ASB2: variants seen among roughly 807,000 people sequenced by gnomAD.
ASB2 encodes the protein ankyrin repeat and SOCS box containing 2.
ASB2 carries 58 observed loss-of-function variants against 62.4 expected under a neutral mutation model. The ratio of observed to expected loss-of-function variants is 0.93; its 90% confidence interval spans 0.75 to 1.16. The LOEUF (loss-of-function observed/expected upper bound fraction) is 1.16, where lower values mean the gene tolerates loss of function less well. Among genes scored for constraint, ASB2 ranks in the 50% most tolerant of loss-of-function variants. The pLI, the probability that ASB2 is intolerant of heterozygous loss-of-function variation, is 0.00. For missense variants in ASB2, 928 were observed against 887.9 expected (o/e 1.05, Z -0.57); for synonymous variants, 386 against 385.3 (o/e 1.00, Z -0.02).
At chr14:93,941,830 G>A (rs1595303703) in intron 7 of ASB2, 1 of 390,042 alleles carries the variant, frequency 2.6e-6, no homozygotes, top group South Asian at 1.9e-5. Flanking sequence ...TCAGTTATGT[G>A]GTGAATCATC....
intron 2 of ASB2, among the ~76,000 whole-genome samples, chr14:93,957,897 C>T (rs1889282093): frequency 6.6e-6 from 1 of 152,166 alleles, no homozygotes; most frequent in Non-Finnish European, 1.5e-5. Flanking sequence ...CCGGGCCTTT[C>T]ACCACACTCT....
At chr14:93,936,294 T>C (rs568728500) in intron 9 of ASB2, among the ~76,000 whole-genome samples, 1 of 152,212 alleles carries the variant, frequency 6.6e-6, no homozygotes, top group South Asian at 2.1e-4. Flanking sequence ...TTAAGAACGA[T>C]TGGTTTTACT....
intron 1 of ASB2, chr14:93,968,135 C>T (rs1889648698): frequency 6.6e-6 from 1 of 152,174 alleles, no homozygotes; most frequent in South Asian, 2.1e-4. Flanking sequence ...GACCATGTGC[C>T]TTCCTGGAGG....
intron 8 of ASB2, among the ~76,000 whole-genome samples, chr14:93,938,790 T>A (rs73337607): frequency 6.6e-6 from 1 of 152,216 alleles, no homozygotes; most frequent in Non-Finnish European, 1.5e-5. Flanking sequence ...ACCGTTCCAA[T>A]GCACCACTAA....
Position 93,939,020 on chromosome 14 carries a change from A to G in ASB2, c.1617+88T>C, listed in dbSNP as rs1888387338. 7.3e-6 allele frequency: 9 copies of G among 1,227,790 alleles called. No individual in the cohort carries two copies. The South Asian group carries it at 1.2e-4, about 16-fold the overall frequency. The allele number at this position is 1,227,790 out of a possible 1,614,324, so 76.1% of individuals were successfully genotyped here. ...ACGCTGCTCCCAAGGAGCGCGAACC[A>G]CCCGGCCCCGCCCGCCTCCCATGCG... On this transcript the variant is annotated intron_variant, in intron 8 of 9. Coordinates refer to ENST00000555019, the MANE Select transcript of ASB2 (RefSeq NM_001202429.2).
chr14:93,938,060 T>C (rs940800520), intron 8 of ASB2, among the ~76,000 whole-genome samples: 5 of 152,082 alleles, frequency 3.3e-5, no homozygotes, highest in African/African-American at 1.2e-4. Flanking sequence ...AGCCTCAATT[T>C]CCCTATCTAT....
rs539374318 is a variant in ASB2 at position 93,948,829 on chromosome 14, G to T, written c.881-1309C>A. 1.4e-3 allele frequency among the ~76,000 whole-genome samples: 206 copies of T among 152,322 alleles called. 1 individual carries two copies. The highest frequency in any genetic ancestry group is 4.7e-3 in the African/African-American group (196 of 41,568). Reference sequence around the variant, plus strand: ...CACATGCCTGTAGTTCCAGCTACTTGGAAGGCTGAGGTGCAAGGATTACTT... The same window carrying T: ...CACATGCCTGTAGTTCCAGCTACTTTGAAGGCTGAGGTGCAAGGATTACTT... On this transcript the variant is annotated intron_variant, in intron 6 of 9. Coordinates refer to ENST00000555019, the MANE Select transcript of ASB2 (RefSeq NM_001202429.2).
chr14:93,964,939 C>T (rs1188842394), intron 1 of ASB2, among the ~76,000 whole-genome samples: 1 of 152,084 alleles, frequency 6.6e-6, no homozygotes, highest in Admixed American at 6.5e-5. Context: ...CCCACTCAAC[C>T]ACCCTCCATC....
chr14:93,968,063 C>T (rs1889646787), intron 1 of ASB2, among the ~76,000 whole-genome samples: 1 of 152,228 alleles, frequency 6.6e-6, no homozygotes, highest in South Asian at 2.1e-4. Context: ...CAGCTGCTGG[C>T]CCTGCAGCCT....
chr14:93,937,152 T>TC (rs1422837733), intron 9 of ASB2, among the ~76,000 whole-genome samples: 1 of 152,198 alleles, frequency 6.6e-6, no homozygotes, highest in Non-Finnish European at 1.5e-5. Context: ...GCTCCAGGGT[T>TC]CAGGGGCCTG....
At chr14:93,956,235 C>G (rs552856403) in intron 3 of ASB2, among the ~76,000 whole-genome samples, 16 of 152,286 alleles carry the variant, frequency 1.1e-4, no homozygotes, top group African/African-American at 3.6e-4. Context: ...GCCCCTGCAG[C>G]TTAGATTATT....
rs747371828 is a variant in ASB2 at position 93,951,169 on chromosome 14, C to T, written c.710G>A (p.Arg237His). 7 of 1,613,826 alleles carry T rather than the reference C, an allele frequency of 4.3e-6. No individual in the cohort carries two copies. Among genetic ancestry groups the T allele is most frequent in the Admixed American group, 3.3e-5 (2 of 60,008 alleles). The change falls in exon 6 of 10, where the codon CGC (arginine) becomes CAC (histidine). Residue 237 changes from arginine to histidine, a missense_variant. Physicochemically the swap from Arg to His is conservative, Grantham distance 29. Coordinates refer to ENST00000555019, the MANE Select transcript of ASB2 (RefSeq NM_001202429.2). ...HNADTNHRCNRGWTALHESVS... is the reference protein window; with the variant it reads ...HNADTNHRCNHGWTALHESVS... ...AGACTCGTGCAGAGCGGTCCAGCCG[C>T]GGTTGCAGCGGTGGTTGGTGTCTGC... is the stretch of plus-strand genomic sequence containing the variant.
chr14:93,952,924 T>C (rs1889024734), intron 5 of ASB2, among the ~76,000 whole-genome samples: 1 of 152,248 alleles, frequency 6.6e-6, no homozygotes. Flanking sequence ...CAGAGGTACA[T>C]GCTCTCGCAT....
intron 4 of ASB2, 98 bp from the exon 5 acceptor site, chr14:93,953,605 A>G: frequency 1.9e-6 from 2 of 1,071,218 alleles, no homozygotes; most frequent in Non-Finnish European, 1.3e-6. Flanking sequence ...AGAACAATGT[A>G]TGACATCCTC....
At chr14:93,938,233 CTTTTTTTT>C (rs35127276) in intron 8 of ASB2, among the ~76,000 whole-genome samples, 5 of 67,618 alleles carry the variant, frequency 7.4e-5, no homozygotes, top group African/African-American at 1.2e-4. Flanking sequence ...TAAGTTCTGA[CTTTTTTTT>C]TTTTTTTTTT....
rs35127276 is a variant in ASB2, at chr14:93,938,233, C to CTTTTTTTTTTTT, written c.1618-394_1618-383dup. ...TGTCTAACTTCCTTTTAAGTTCTGA[C>CTTTTTTTTTTTT]TTTTTTTTTTTTTTTTTTTTTTTTT... On this transcript the variant is annotated intron_variant, in intron 8 of 9. Coordinates refer to ENST00000555019, the MANE Select transcript of ASB2 (RefSeq NM_001202429.2). Among the ~76,000 whole-genome samples the CTTTTTTTTTTTT allele has an allele frequency of 2.4e-4, 16 of 67,618 alleles. 1 individual carries two copies. Among genetic ancestry groups the CTTTTTTTTTTTT allele is most frequent in the East Asian group, 1.7e-3 (3 of 1,736 alleles). The allele number at this position is 67,618 out of a possible 152,430, so 44.4% of individuals were successfully genotyped here.
intron 2 of ASB2, among the ~76,000 whole-genome samples, chr14:93,958,715 G>A (rs985287645): frequency 3.9e-5 from 6 of 152,296 alleles, no homozygotes; most frequent in East Asian, 1.9e-4. Context: ...AGAGACAGCC[G>A]GCAGGTGGAG....
rs1280669853 is a variant in ASB2, at chr14:93,951,252, CAG to C, written c.635-10_635-9del. On this transcript the variant is annotated splice_polypyrimidine_tract_variant and intron_variant, in intron 5 of 9. Transcript: ENST00000555019. ...CGTTCTTGCGCTCGCAGGCTGTGCTCAGGGGGAAGCAGGGATGGTCAGCAGGG... is the reference window on the plus strand; with the variant it reads ...CGTTCTTGCGCTCGCAGGCTGTGCTCGGGGAAGCAGGGATGGTCAGCAGGG... 20 of 1,582,830 alleles carry C rather than the reference CAG, an allele frequency of 1.3e-5. No homozygotes were observed. The East Asian group carries it at 3.4e-4, about 27-fold the overall frequency.
At chr14:93,958,102 C>G (rs563705303) in intron 2 of ASB2, among the ~76,000 whole-genome samples, 1 of 152,306 alleles carries the variant, frequency 6.6e-6, no homozygotes, top group East Asian at 1.9e-4. Flanking sequence ...CTGCTCACCC[C>G]TCTGCTTCAT....
Sources: allele counts gnomAD v4.1 joint callset (sites outside exome capture counted in the v4.1 genomes callset), GRCh38; gene constraint gnomAD v4.1.1; transcripts MANE v1.5; gene names NCBI Gene and HGNC (gene_info 2026-07-23, HGNC 2026-07-21).